The following LANCL3 variants were observed in gnomAD, a reference collection of about 807,000 sequenced individuals.
The protein encoded by LANCL3 is LanC like family member 3.
LANCL3 carries 19 observed loss-of-function variants against 26.5 expected under a neutral mutation model. That is an observed-to-expected ratio of 0.72 (90% CI 0.50 to 1.05). LANCL3 has a LOEUF of 1.05. Among genes scored for constraint, LANCL3 ranks in the 50% least tolerant of loss-of-function variants. The pLI is 0.00. For missense variants in LANCL3, 318 were observed against 362.7 expected, an observed-to-expected ratio of 0.88 and a Z score of 1.00; for synonymous variants, 160 against 166.6, an observed-to-expected ratio of 0.96 and a Z score of 0.30.
At chrX:37,626,601 A>G (rs1556423075) in intron 1 of LANCL3, among the ~76,000 whole-genome samples, 1 of 111,963 alleles carries the variant, frequency 8.9e-6, no homozygotes, top group Non-Finnish European at 1.9e-5. Context: ...CTGATATTTT[A>G]AGACTGATTT....
chrX:37,575,597 A>G (rs3126458), intron 1 of LANCL3, among the ~76,000 whole-genome samples: 4 of 112,477 alleles, frequency 3.6e-5, no homozygotes, highest in Non-Finnish European at 5.6e-5. Flanking sequence ...TGAATGAATT[A>G]TAGTTTCTTC....
intron 1 of LANCL3, among the ~76,000 whole-genome samples, chrX:37,652,546 AAAAAG>A (rs1164311129): frequency 6.8e-4 from 77 of 112,691 alleles, no homozygotes; most frequent in Non-Finnish European, 1.0e-3. Flanking sequence ...AATTCAATGT[AAAAAG>A]AAAAGAATCT....
chrX:37,634,591 C>G (rs1925651975), intron 1 of LANCL3, among the ~76,000 whole-genome samples: 1 of 112,461 alleles, frequency 8.9e-6, no homozygotes, highest in Non-Finnish European at 1.9e-5. Flanking sequence ...TTGGCTGTCC[C>G]CTTTGTAATG....
chrX:37,673,588 G>A (rs1926732098), intron 4 of LANCL3, among the ~76,000 whole-genome samples: 2 of 111,140 alleles, frequency 1.8e-5, no homozygotes, highest in Admixed American at 1.9e-4. Context: ...TTGCACCACT[G>A]GATAGATTTT....
intron 1 of LANCL3, among the ~76,000 whole-genome samples, chrX:37,580,835 A>G (rs782244906): frequency 9.9e-5 from 11 of 111,636 alleles, no homozygotes; most frequent in African/African-American, 3.6e-4. Context: ...GGGCAACATT[A>G]TTATCTCCAT....
intron 3 of LANCL3, among the ~76,000 whole-genome samples, chrX:37,663,200 G>C (rs1388546274): frequency 8.9e-6 from 1 of 112,703 alleles, no homozygotes; most frequent in Non-Finnish European, 1.9e-5. Context: ...ACAACATACA[G>C]TTTCTGCTCT....
chrX:37,679,309 T>A lies in LANCL3; in HGVS notation c.*3496T>A, dbSNP rs1309797061. ...CTATATGTGGATGTAGTGCTTGAGG[T>A]CTGGGTCACTAGATGGATAAAAACC... On this transcript the variant is annotated 3_prime_UTR_variant, in exon 5 of 5. Coordinates refer to ENST00000378619, the MANE Select transcript of LANCL3 (RefSeq NM_001170331.2). 8.9e-6 allele frequency: 1 copy of A among 111,817 alleles called. No homozygotes were observed. Among genetic ancestry groups the A allele is most frequent in the Non-Finnish European group, 1.9e-5 (1 of 53,111 alleles). 9.2% of individuals were successfully genotyped at this position (111,817 alleles called of 1,213,427 possible). A position where few individuals can be genotyped will look rare whatever the true frequency, so the allele number is the denominator to read the frequency against.
chrX:37,623,629 G>A (rs1925231486), intron 1 of LANCL3, among the ~76,000 whole-genome samples: 1 of 111,824 alleles, frequency 8.9e-6, no homozygotes, highest in Non-Finnish European at 1.9e-5. Flanking sequence ...TTTATTATAT[G>A]ATTTATTTTT....
chrX:37,627,597 G>T (rs1556423266), intron 1 of LANCL3, among the ~76,000 whole-genome samples: 1 of 111,684 alleles, frequency 9.0e-6, no homozygotes, highest in Non-Finnish European at 1.9e-5. Flanking sequence ...GAATCAGCAT[G>T]TACATTACAA....
intron 1 of LANCL3, among the ~76,000 whole-genome samples, chrX:37,654,062 T>C (rs1556430059): frequency 8.9e-6 from 1 of 112,223 alleles, no homozygotes; most frequent in African/African-American, 3.2e-5. Context: ...CAGTGCTGGA[T>C]GGTAACTTGC....
At chrX:37,629,807 G>T (rs79456293) in intron 1 of LANCL3, among the ~76,000 whole-genome samples, 11 of 111,226 alleles carry the variant, frequency 9.9e-5, no homozygotes, top group African/African-American at 3.3e-4. Flanking sequence ...CATTGATCTA[G>T]ATCTCTGTTT....
intron 3 of LANCL3, among the ~76,000 whole-genome samples, chrX:37,664,039 A>G (rs1248526019): frequency 8.9e-6 from 1 of 112,110 alleles, no homozygotes; most frequent in Non-Finnish European, 1.9e-5. Flanking sequence ...GCTGCATAGC[A>G]TAGCCTCTCA....
chrX:37,624,089 C>G (rs181535388), intron 1 of LANCL3, among the ~76,000 whole-genome samples: 26 of 111,519 alleles, frequency 2.3e-4, no homozygotes, highest in African/African-American at 8.1e-4. Flanking sequence ...ATACATACAT[C>G]TTTGTATATC....
rs1205845746 is a variant in LANCL3, at chrX:37,679,736, G to A, written c.*3923G>A. On this transcript the variant is annotated 3_prime_UTR_variant, in exon 5 of 5. Coordinates refer to ENST00000378619, the MANE Select transcript of LANCL3 (RefSeq NM_001170331.2). ...TAAATGACTGAGCCTCAAATTTGCC[G>A]AGCCCGTGTAATATTGGTATAAATT... is the stretch of plus-strand genomic sequence containing the variant. The A allele has an allele frequency of 3.6e-5, 4 of 110,991 alleles. No homozygotes were observed. Among genetic ancestry groups the A allele is most frequent in the African/African-American group, 9.8e-5 (3 of 30,461 alleles). The allele number at this position is 110,991 out of a possible 1,213,427, so 9.1% of individuals were successfully genotyped here.
At chrX:37,649,532 T>C (rs1556428155) in intron 1 of LANCL3, among the ~76,000 whole-genome samples, 1 of 111,375 alleles carries the variant, frequency 9.0e-6, no homozygotes, top group Non-Finnish European at 1.9e-5. Context: ...CGTATACCTA[T>C]GTAACAAACC....
Position 37,681,939 on chromosome X carries a change from A to AC in LANCL3, c.*6126_*6127insC, listed in dbSNP as rs1926944322. 1 of 111,737 alleles carries AC rather than the reference A, an allele frequency of 8.9e-6. No homozygotes were observed. Among genetic ancestry groups the AC allele is most frequent in the African/African-American group, 3.3e-5 (1 of 30,680 alleles). 9.2% of individuals were successfully genotyped at this position (111,737 alleles called of 1,213,427 possible). ...ATAGATCTTCAGAAAGTACCAAAATATATACCTTCCTCTTATTCTTTCAGA... is the reference window on the plus strand; with the variant it reads ...ATAGATCTTCAGAAAGTACCAAAATACTATACCTTCCTCTTATTCTTTCAGA... On this transcript the variant is annotated 3_prime_UTR_variant, in exon 5 of 5. Transcript: ENST00000378619.
chrX:37,572,720 G>A (rs1207295035), intron 1 of LANCL3, among the ~76,000 whole-genome samples: 2 of 112,361 alleles, frequency 1.8e-5, no homozygotes, highest in African/African-American at 6.5e-5. Context: ...TAGCTTTCTG[G>A]GGGATGACAG....
intron 1 of LANCL3, among the ~76,000 whole-genome samples, chrX:37,654,873 G>A (rs1225648049): frequency 8.9e-6 from 1 of 112,332 alleles, no homozygotes; most frequent in East Asian, 2.8e-4. Context: ...ACACAACAGT[G>A]CTGTGCAGCA....
intron 1 of LANCL3, among the ~76,000 whole-genome samples, chrX:37,605,478 T>G (rs1410313872): frequency 9.0e-6 from 1 of 111,640 alleles, no homozygotes; most frequent in Non-Finnish European, 1.9e-5. Flanking sequence ...TGACTCCATT[T>G]TAGTTATCCT....
Sources: gnomAD v4.1 joint callset for allele counts (sites outside exome capture counted in the v4.1 genomes callset) on GRCh38, gnomAD v4.1.1 for gene constraint, MANE v1.5 for transcripts, NCBI Gene and HGNC (gene_info 2026-07-23, HGNC 2026-07-21) for gene names.